ANO10: variants seen among roughly 807,000 people sequenced by gnomAD.
ANO10 encodes the protein anoctamin-10.
A neutral mutation model predicts 74.7 loss-of-function variants in ANO10; 77 were observed. The observed-to-expected ratio is 1.03, with a 90% confidence interval of 0.86 to 1.25. The LOEUF (loss-of-function observed/expected upper bound fraction) is 1.25. Ranked by LOEUF, ANO10 falls within the 50% of genes most tolerant of loss-of-function variation. The pLI, the probability that ANO10 is intolerant of heterozygous loss-of-function variation, is 0.00. For missense variants in ANO10, 721 were observed against 778.1 expected, an observed-to-expected ratio of 0.93 and a Z score of 0.87; for synonymous variants, 279 against 284.9, an observed-to-expected ratio of 0.98 and a Z score of 0.21.
At chr3:43,433,108 A>AT (rs1345989279) in intron 11 of ANO10, among the ~76,000 whole-genome samples, 3 of 150,782 alleles carry the variant, frequency 2.0e-5, no homozygotes, top group Non-Finnish European at 4.4e-5. Context: ...CACCTAACTA[A>AT]TTTTTTTTGT....
chr3:43,497,415 CT>C (rs527486400), intron 11 of ANO10, among the ~76,000 whole-genome samples: 3 of 152,210 alleles, frequency 2.0e-5, no homozygotes, highest in Non-Finnish European at 2.9e-5. Context: ...CCTCCTCTTT[CT>C]TTGGGAGAAC....
chr3:43,437,446 ATG>A (rs2093086426), intron 11 of ANO10, among the ~76,000 whole-genome samples: 1 of 152,200 alleles, frequency 6.6e-6, no homozygotes, highest in Admixed American at 6.5e-5. Flanking sequence ...AGAAAGTAGA[ATG>A]TATACATCTA....
intron 1 of ANO10, chr3:43,690,758 CACCCGGGAGCGTCGGGCGGGAGA>C: frequency 2.3e-6 from 1 of 432,024 alleles, no homozygotes. Context: ...CCCGCGCTTA[CACCCGGGAGCGTCGGGCGGGAGA>C]ACTAGTGCAT....
intron 9 of ANO10, among the ~76,000 whole-genome samples, chr3:43,560,538 T>C (rs3772164): frequency 0.02 from 3,033 of 152,196 alleles, 263 homozygotes; most frequent in Admixed American, 0.15. Context: ...CCAGAAAGAA[T>C]ACTGTAGCAA....
At chr3:43,373,603 C>G (rs2091694944) in intron 12 of ANO10, among the ~76,000 whole-genome samples, 1 of 152,198 alleles carries the variant, frequency 6.6e-6, no homozygotes, top group Non-Finnish European at 1.5e-5. Flanking sequence ...AGTTAAAGGA[C>G]TTTGAAAGGA....
Position 43,432,944 on chromosome 3 carries a change from C to CTTTTTTTTTTTTTTTTTTTTTTTT in ANO10, c.1798-241_1798-218dup, listed in dbSNP as rs5848663. 3.4e-4 allele frequency among the ~76,000 whole-genome samples: 19 copies of CTTTTTTTTTTTTTTTTTTTTTTTT among 55,284 alleles called. 3 individuals are homozygous for CTTTTTTTTTTTTTTTTTTTTTTTT. Among genetic ancestry groups the CTTTTTTTTTTTTTTTTTTTTTTTT allele is most frequent in the Non-Finnish European group, 6.0e-4 (18 of 30,054 alleles). The allele number at this position is 55,284 out of a possible 152,430, so 36.3% of individuals were successfully genotyped here. On this transcript the variant is annotated intron_variant, in intron 11 of 12. Coordinates refer to ENST00000292246, the MANE Select transcript of ANO10 (RefSeq NM_018075.5). Reference sequence around the variant, plus strand: ...CAGTAATTACTGACTTTGCTTAATTCTTTTTTTTTTTTTTTTTTTTTTTTT... The same window carrying CTTTTTTTTTTTTTTTTTTTTTTTT: ...CAGTAATTACTGACTTTGCTTAATTCTTTTTTTTTTTTTTTTTTTTTTTTTTTTTTTTTTTTTTTTTTTTTTTTT...
At position 43,366,488 on chromosome 3, in the gene ANO10, A is replaced by G. The variant is rs1009967018; in HGVS notation, c.*418T>C. Reference sequence around the variant, plus strand: ...CTCACTCTCAACTGAGGCTCCTGTGATGAGCACAGTGGGCACACACCCCAT... The same window carrying G: ...CTCACTCTCAACTGAGGCTCCTGTGGTGAGCACAGTGGGCACACACCCCAT... On this transcript the variant is annotated 3_prime_UTR_variant, in exon 13 of 13. Coordinates refer to ENST00000292246, the MANE Select transcript of ANO10 (RefSeq NM_018075.5). 22 of 337,256 alleles carry G rather than the reference A, an allele frequency of 6.5e-5. No homozygotes were observed. The highest frequency in any genetic ancestry group is 4.0e-5 in the Non-Finnish European group (7 of 173,660). 20.9% of individuals were successfully genotyped at this position (337,256 alleles called of 1,614,324 possible). A position where few individuals can be genotyped will look rare whatever the true frequency, so the allele number is the denominator to read the frequency against.
intron 11 of ANO10, among the ~76,000 whole-genome samples, chr3:43,501,803 T>G (rs982588527): frequency 2.0e-5 from 3 of 152,154 alleles, no homozygotes; most frequent in Non-Finnish European, 4.4e-5. Context: ...GTGAGTATTA[T>G]GGAGAAGGGG....
At chr3:43,641,810 C>T (rs2083673013) in intron 1 of ANO10, among the ~76,000 whole-genome samples, 1 of 152,052 alleles carries the variant, frequency 6.6e-6, no homozygotes, top group Non-Finnish European at 1.5e-5. Flanking sequence ...AGAATGGAGG[C>T]CATGTCATCA....
rs71616100 is a variant in ANO10 at position 43,535,267 on chromosome 3, C to CTTTTTT, written c.1797+14447_1797+14452dup. Among the ~76,000 whole-genome samples, 8 of 107,892 alleles carry CTTTTTT rather than the reference C, an allele frequency of 7.4e-5. 1 individual carries two copies. Among genetic ancestry groups the CTTTTTT allele is most frequent in the African/African-American group, 1.1e-4 (3 of 28,038 alleles). 70.8% of individuals were successfully genotyped at this position (107,892 alleles called of 152,430 possible). Reference sequence around the variant, plus strand: ...AAGTAAACCACCATACCTAGACATTCTTTTTTTTTTTTTTTTTTTTTGAAG... The same window carrying CTTTTTT: ...AAGTAAACCACCATACCTAGACATTCTTTTTTTTTTTTTTTTTTTTTTTTTTTGAAG... On this transcript the variant is annotated intron_variant, in intron 11 of 12. Coordinates refer to ENST00000292246, the MANE Select transcript of ANO10 (RefSeq NM_018075.5).
intron 11 of ANO10, among the ~76,000 whole-genome samples, chr3:43,499,074 T>C (rs564500841): frequency 5.9e-5 from 9 of 152,240 alleles, no homozygotes; most frequent in Admixed American, 2.0e-4. Flanking sequence ...TCCACCACAG[T>C]TCCAGGGCTC....
At chr3:43,440,517 T>C (rs1232160856) in intron 11 of ANO10, among the ~76,000 whole-genome samples, 2 of 151,968 alleles carry the variant, frequency 1.3e-5, no homozygotes, top group African/African-American at 4.8e-5. Context: ...ACAATTATAA[T>C]TGTATATGCA....
intron 11 of ANO10, among the ~76,000 whole-genome samples, chr3:43,465,894 T>C (rs2075590814): frequency 6.6e-6 from 1 of 152,220 alleles, no homozygotes; most frequent in Non-Finnish European, 1.5e-5. Flanking sequence ...ACATTCAATA[T>C]TGTTAAAATG....
chr3:43,683,538 C>G (rs889690880), intron 1 of ANO10, among the ~76,000 whole-genome samples: 1 of 152,208 alleles, frequency 6.6e-6, no homozygotes, highest in African/African-American at 2.4e-5. Flanking sequence ...CCATCCCCAT[C>G]AAGCTACCAA....
intron 1 of ANO10, among the ~76,000 whole-genome samples, chr3:43,627,802 G>T: frequency 6.6e-6 from 1 of 150,440 alleles, no homozygotes; most frequent in Admixed American, 6.6e-5. Context: ...ATTAGTTGCT[G>T]CACATATATA....
At chr3:43,659,427 C>T (rs912923612) in intron 1 of ANO10, among the ~76,000 whole-genome samples, 1 of 152,152 alleles carries the variant, frequency 6.6e-6, no homozygotes, top group East Asian at 1.9e-4. Flanking sequence ...CTCGGTGGGT[C>T]CCACGCCCAC....
intron 1 of ANO10, among the ~76,000 whole-genome samples, chr3:43,683,976 C>T (rs1204685029): frequency 2.6e-5 from 4 of 152,046 alleles, no homozygotes; most frequent in African/African-American, 9.7e-5. Flanking sequence ...CCATAAAAAC[C>T]CTAGAAGAAA....
At position 43,552,400 on chromosome 3, in the gene ANO10, AT is replaced by A. The variant is rs1403110868; in HGVS notation, c.1669-2553del. 5.9e-5 allele frequency among the ~76,000 whole-genome samples: 9 copies of A among 152,106 alleles called. No homozygotes were observed. In the South Asian group the frequency reaches 1.0e-3, roughly 18 times the overall value. ...TACAAAAAATAAAAAAATAAAAAAA[AT>A]TTTTTTCTACATATATTTAGAATCA... On this transcript the variant is annotated intron_variant, in intron 10 of 12. Transcript: ENST00000292246.
intron 4 of ANO10, among the ~76,000 whole-genome samples, chr3:43,593,364 G>T (rs993113443): frequency 6.6e-6 from 1 of 152,180 alleles, no homozygotes; most frequent in Non-Finnish European, 1.5e-5. Flanking sequence ...AGAGAGAAAG[G>T]TCGGGTTACC....
Sources: gnomAD v4.1 joint callset for allele counts (sites outside exome capture counted in the v4.1 genomes callset) on GRCh38, gnomAD v4.1.1 for gene constraint, MANE v1.5 for transcripts, NCBI Gene and HGNC (gene_info 2026-07-23, HGNC 2026-07-21) for gene names.